The following GAS6 variants were observed in gnomAD, a reference collection of about 807,000 sequenced individuals.
GAS6 encodes the protein growth arrest-specific protein 6.
GAS6 carries 41 observed loss-of-function variants against 75.8 expected under a neutral mutation model. The ratio of observed to expected loss-of-function variants is 0.54; its 90% CI spans 0.42 to 0.70. GAS6 has a LOEUF of 0.70. GAS6 is among the 30% of genes least tolerant of loss of function. GAS6 has a pLI of 0.00. For synonymous variants in GAS6, 432 were observed against 412.6 expected (o/e 1.05, Z -0.57); for missense variants, 854 against 940.2 (o/e 0.91, Z 1.20).
intron 11 of GAS6, 47 bp from the exon 12 acceptor site, chr13:113,827,211 C>T: frequency 6.3e-7 from 1 of 1,591,040 alleles, no homozygotes; most frequent in Non-Finnish European, 8.6e-7. Flanking sequence ...GCGAGAAGCC[C>T]CATGCCGGAT....
At chr13:113,842,994 G>C (rs531282873) in intron 4 of GAS6, 1 of 395,420 alleles carries the variant, frequency 2.5e-6, no homozygotes, top group Non-Finnish European at 4.4e-6. Flanking sequence ...TTATTTCCCT[G>C]TTGGGAATGT....
rs1452313453 is a variant in GAS6, at chr13:113,837,525, C to T, written c.589+544G>A. 1.3e-5 allele frequency among the ~76,000 whole-genome samples: 2 copies of T among 152,114 alleles called. No homozygotes were observed. Among genetic ancestry groups the T allele is most frequent in the Non-Finnish European group, 2.9e-5 (2 of 68,006 alleles). Reference sequence around the variant, plus strand: ...GTGGCAGCAGCAGCACCTGGAACAGCGTCGGGGGCGCGCACATTCACAGTG... The same window carrying T: ...GTGGCAGCAGCAGCACCTGGAACAGTGTCGGGGGCGCGCACATTCACAGTG... On this transcript the variant is annotated intron_variant, in intron 6 of 14. Transcript: ENST00000327773. The surrounding 1 kb of genome is among the most constrained non-coding windows in gnomAD (Gnocchi z 5.1).
In GAS6 at chr13:113,832,353, A is replaced by G. The variant is rs779817827; in HGVS notation, c.1089T>C (p.Gly363=). Residue 363 remains glycine, a synonymous_variant, in exon 10 of 15, where the codon GGT becomes GGC. Transcript: ENST00000327773. ...GGCCGCTGCTGGTGACACGGCCGAC[A>G]CCGTTGTAGCGCAGCTGCAGCTCCA... The part of the protein sequence containing the change: ...GRLELQLRYN[G]VGRVTSSGPV... 5.6e-6 allele frequency: 9 copies of G among 1,607,160 alleles called. No individual in the cohort carries two copies. Among genetic ancestry groups the G allele is most frequent in the Non-Finnish European group, 7.6e-6 (9 of 1,179,880 alleles).
chr13:113,846,730 G>C, intron 3 of GAS6, 141 bp from the exon 4 acceptor site: 1 of 679,110 alleles, frequency 1.5e-6, no homozygotes, highest in East Asian at 2.6e-5. Flanking sequence ...ATGCCGCTTA[G>C]CTTGTGTTAA....
At chr13:113,821,364 A>G (rs2138607127) in intron 14 of GAS6, 2 of 263,412 alleles carry the variant, frequency 7.6e-6, no homozygotes, top group East Asian at 1.4e-4. Flanking sequence ...GTTTATTAAA[A>G]CTAAGTGGAG....
Position 113,820,835 on chromosome 13 carries a change from CTG to C in GAS6, c.*27_*28del. 1 of 1,601,326 alleles carries C rather than the reference CTG, an allele frequency of 6.2e-7. No homozygotes were observed. Among genetic ancestry groups the C allele is most frequent in the Non-Finnish European group, 8.5e-7 (1 of 1,176,758 alleles). On this transcript the variant is annotated 3_prime_UTR_variant, in exon 15 of 15. Coordinates refer to ENST00000327773, the MANE Select transcript of GAS6 (RefSeq NM_000820.4). ...TCCTCCCGGCTGTCTCGGACAGAGA[CTG>C]AGAAGCCTGCCGCGTCCCGTGGGGG...
chr13:113,833,517 G>A, intron 8 of GAS6: 1 of 994,060 alleles, frequency 1.0e-6, no homozygotes, highest in Non-Finnish European at 1.2e-6. Flanking sequence ...GAAGAGGAAA[G>A]ACAAGAGCCG....
At chr13:113,836,847 TGGG>T (rs1262441301) in intron 6 of GAS6, among the ~76,000 whole-genome samples, 2 of 18,684 alleles carry the variant, frequency 1.1e-4, no homozygotes, top group African/African-American at 2.3e-4. Context: ...GGAGGGGGAG[TGGG>T]GGGGAGGAGG....
intron 12 of GAS6, among the ~76,000 whole-genome samples, chr13:113,826,158 C>T (rs2138617851): frequency 6.6e-6 from 1 of 152,332 alleles, no homozygotes; most frequent in South Asian, 2.1e-4. Flanking sequence ...ACTGGGCCAG[C>T]AGCTCACATC....
rs12868549 is a variant in GAS6 at position 113,826,410 on chromosome 13, G to A, written c.1477+586C>T. Among the ~76,000 whole-genome samples the A allele has an allele frequency of 2.4e-3, 262 of 107,790 alleles. 6 individuals carry two copies. Among genetic ancestry groups the A allele is most frequent in the African/African-American group, 6.4e-3 (168 of 26,256 alleles). The allele number at this position is 107,790 out of a possible 152,430, so 70.7% of individuals were successfully genotyped here. ...GGCCTCGCAGGCACCTTCTCTCCCC[G>A]GCCTCCCGGCGCTGGCCTCGCAGGC... is the stretch of plus-strand genomic sequence containing the variant. On this transcript the variant is annotated intron_variant, in intron 12 of 14. Transcript: ENST00000327773.
chr13:113,835,975 A>G, intron 6 of GAS6: 1 of 1,083,628 alleles, frequency 9.2e-7, no homozygotes, highest in Non-Finnish European at 1.1e-6. Flanking sequence ...GGCCGTAAAA[A>G]GTAACCCCCC....
Position 113,848,797 on chromosome 13 carries a change from T to C in GAS6, c.256-747A>G, listed in dbSNP as rs1364204336. Among the ~76,000 whole-genome samples, 2 of 152,056 alleles carry C rather than the reference T, an allele frequency of 1.3e-5. No homozygotes were observed. The highest frequency in any genetic ancestry group is 2.9e-5 in the Non-Finnish European group (2 of 68,032). On this transcript the variant is annotated intron_variant, in intron 2 of 14. Coordinates refer to ENST00000327773, the MANE Select transcript of GAS6 (RefSeq NM_000820.4). The surrounding 1 kb of genome is among the most constrained non-coding windows in gnomAD (Gnocchi z 4.8). The stretch of plus-strand genomic sequence containing the variant: ...CATGCTGGGTATGAGTCAGCATTTT[T>C]ACACTATTTTATGAAATCCTCACAA...
intron 2 of GAS6, among the ~76,000 whole-genome samples, chr13:113,849,375 C>G (rs1256486984): frequency 1.3e-5 from 2 of 152,274 alleles, no homozygotes; most frequent in South Asian, 2.1e-4. Flanking sequence ...AAGGCAAGAA[C>G]AGCCATACCA....
intron 2 of GAS6, among the ~76,000 whole-genome samples, chr13:113,859,192 G>A (rs371498852): frequency 6.8e-6 from 1 of 147,538 alleles, no homozygotes; most frequent in East Asian, 2.0e-4. Flanking sequence ...CTTTGTGTGT[G>A]CATGTCTGTG....
intron 2 of GAS6, among the ~76,000 whole-genome samples, chr13:113,853,437 C>T (rs1187982809): frequency 1.3e-5 from 2 of 152,236 alleles, no homozygotes; most frequent in Non-Finnish European, 2.9e-5. Flanking sequence ...CTGCAAACAC[C>T]CGATGTCAGT....
At chr13:113,853,632 A>G (rs1255226260) in intron 2 of GAS6, among the ~76,000 whole-genome samples, 1 of 152,244 alleles carries the variant, frequency 6.6e-6, no homozygotes, top group African/African-American at 2.4e-5. Context: ...TCTGTTTATC[A>G]ACACCATAAC....
chr13:113,832,139 G>A (rs890216704), intron 10 of GAS6, among the ~76,000 whole-genome samples, 160 bp downstream of exon 10: 1 of 150,904 alleles, frequency 6.6e-6, no homozygotes, highest in Non-Finnish European at 1.5e-5. Context: ...CCCGTCTCCC[G>A]GAGCATGAAC....
intron 2 of GAS6, among the ~76,000 whole-genome samples, chr13:113,853,934 C>A (rs2051894669): frequency 6.6e-6 from 1 of 152,258 alleles, no homozygotes; most frequent in Admixed American, 6.5e-5. Context: ...CAGCAGCCTG[C>A]TCTAGCCCTG....
At chr13:113,840,011 G>A (rs376511251) in intron 4 of GAS6, 161 bp from the exon 5 acceptor site, 6 of 994,316 alleles carry the variant, frequency 6.0e-6, no homozygotes, top group African/African-American at 1.6e-5. Context: ...CCTCTGTGCT[G>A]GCCTAGGGCT....
Sources: allele counts gnomAD v4.1 joint callset (sites outside exome capture counted in the v4.1 genomes callset), GRCh38; gene constraint gnomAD v4.1.1; non-coding constraint Gnocchi (gnomAD v3.1); transcripts MANE v1.5; gene names NCBI Gene and HGNC (gene_info 2026-07-23, HGNC 2026-07-21).